Variants in GALNTL6 observed in about 807,000 individuals in gnomAD.
GALNTL6 encodes polypeptide N-acetylgalactosaminyltransferase-like 6.
A neutral mutation model predicts 73.7 loss-of-function variants in GALNTL6; 46 were observed. The ratio of observed to expected loss-of-function variants is 0.62; its 90% CI spans 0.49 to 0.80. The LOEUF is 0.80. Among genes scored for constraint, GALNTL6 ranks in the 30% least tolerant of loss-of-function variants. The pLI, the probability that GALNTL6 is intolerant of heterozygous loss-of-function variation, is 0.00. For missense variants in GALNTL6, 604 were observed against 755.0 expected (o/e 0.80, Z 2.34); for synonymous variants, 259 against 263.7 (o/e 0.98, Z 0.17).
intron 3 of GALNTL6, among the ~76,000 whole-genome samples, chr4:172,282,747 G>T (rs1739107746): frequency 6.6e-6 from 1 of 151,864 alleles, no homozygotes; most frequent in Admixed American, 6.6e-5. Flanking sequence ...TGATGGCGAT[G>T]GAACTGCAAA....
At chr4:171,954,457 C>T (rs1056014222) in intron 2 of GALNTL6, among the ~76,000 whole-genome samples, 5 of 152,120 alleles carry the variant, frequency 3.3e-5, no homozygotes, top group South Asian at 4.1e-4. Flanking sequence ...TCACAAAAGT[C>T]ATCTTCAACA....
chr4:172,300,324 A>G (rs528152128), intron 3 of GALNTL6, among the ~76,000 whole-genome samples: 10 of 152,262 alleles, frequency 6.6e-5, no homozygotes, highest in South Asian at 4.1e-4. Flanking sequence ...CTCTTTATCA[A>G]ATTTACCAGT....
intron 10 of GALNTL6, among the ~76,000 whole-genome samples, chr4:172,978,741 C>T (rs1292140553): frequency 6.6e-6 from 1 of 152,162 alleles, no homozygotes; most frequent in African/African-American, 2.4e-5. Context: ...ATATATTGAG[C>T]TCATTCTGCC....
At chr4:172,236,342 GA>G (rs1737238790) in intron 3 of GALNTL6, among the ~76,000 whole-genome samples, 1 of 152,052 alleles carries the variant, frequency 6.6e-6, no homozygotes, top group African/African-American at 2.4e-5. Context: ...GGCGGATCAC[GA>G]GGTGAGGAGA....
intron 7 of GALNTL6, among the ~76,000 whole-genome samples, chr4:172,816,950 TACA>T (rs796994453): frequency 2.0e-5 from 3 of 151,772 alleles, no homozygotes; most frequent in African/African-American, 4.8e-5. Flanking sequence ...TTACTAAAAA[TACA>T]ACAATTAGCC....
chr4:172,926,616 A>G (rs1285592442), intron 8 of GALNTL6, among the ~76,000 whole-genome samples: 2 of 152,232 alleles, frequency 1.3e-5, no homozygotes, highest in Non-Finnish European at 2.9e-5. Context: ...AAGCTAATCA[A>G]TATTGTCACT....
chr4:172,932,347 A>C (rs1436542032), intron 9 of GALNTL6, among the ~76,000 whole-genome samples: 1 of 152,230 alleles, frequency 6.6e-6, no homozygotes, highest in African/African-American at 2.4e-5. Flanking sequence ...CTGGAGATTT[A>C]AGTTGTTACT....
chr4:172,161,122 TCTG>T (rs992245828), intron 2 of GALNTL6, among the ~76,000 whole-genome samples: 2 of 151,990 alleles, frequency 1.3e-5, no homozygotes, highest in Admixed American at 6.6e-5. Flanking sequence ...GAGGGATGCT[TCTG>T]CTGTTTTTTT....
At chr4:171,953,248 G>GTT (rs1053588459) in intron 2 of GALNTL6, among the ~76,000 whole-genome samples, 2 of 149,108 alleles carry the variant, frequency 1.3e-5, no homozygotes, top group African/African-American at 4.9e-5. Flanking sequence ...GTGTGTGTGT[G>GTT]TGTGTGTGTG....
chr4:171,977,654 G>A (rs150084125), intron 2 of GALNTL6, among the ~76,000 whole-genome samples: 3 of 152,244 alleles, frequency 2.0e-5, no homozygotes, highest in African/African-American at 7.2e-5. Context: ...TGGGGATTAG[G>A]ATTTCAACAC....
At chr4:172,696,807 A>G (rs1020149667) in intron 5 of GALNTL6, among the ~76,000 whole-genome samples, 1 of 152,196 alleles carries the variant, frequency 6.6e-6, no homozygotes, top group African/African-American at 2.4e-5. Flanking sequence ...ACTAATACAC[A>G]GATTAAGAGA....
rs191945277 is a variant in GALNTL6, at chr4:172,543,453, C to A, written c.553+194764C>A. On this transcript the variant is annotated intron_variant, in intron 5 of 12. Transcript: ENST00000506823. ...GCCCATGCAAACTGGAAGATAGGGG[C>A]GCTGTCTTCCTTGATGACTGCATTT... 5.3e-5 allele frequency among the ~76,000 whole-genome samples: 8 copies of A among 152,302 alleles called. No individual in the cohort carries two copies. The East Asian group carries it at 1.5e-3, about 29-fold the overall frequency.
chr4:172,456,298 C>T (rs1006498902), intron 5 of GALNTL6, among the ~76,000 whole-genome samples: 4 of 151,812 alleles, frequency 2.6e-5, no homozygotes, highest in South Asian at 4.1e-4. Context: ...TCTTCTCCTC[C>T]GAAGGATCAC....
chr4:172,279,516 C>A (rs1738966729), intron 3 of GALNTL6, among the ~76,000 whole-genome samples: 1 of 152,072 alleles, frequency 6.6e-6, no homozygotes, highest in Non-Finnish European at 1.5e-5. Flanking sequence ...AATAAAATAT[C>A]ATCTCACACC....
At chr4:172,314,861 C>T (rs905234918) in intron 4 of GALNTL6, among the ~76,000 whole-genome samples, 6 of 152,186 alleles carry the variant, frequency 3.9e-5, no homozygotes, top group East Asian at 3.9e-4. Flanking sequence ...CCGCCTGCCT[C>T]GGCCTCCCAA....
intron 2 of GALNTL6, among the ~76,000 whole-genome samples, chr4:171,969,276 A>G (rs1001540249): frequency 1.5e-4 from 23 of 152,118 alleles, no homozygotes; most frequent in Non-Finnish European, 2.9e-4. Context: ...TCCCTCTAAT[A>G]TACTGCTAGA....
chr4:172,787,501 G>C (rs917857683), intron 5 of GALNTL6, among the ~76,000 whole-genome samples: 9 of 152,158 alleles, frequency 5.9e-5, no homozygotes, highest in African/African-American at 2.2e-4. Flanking sequence ...GAGAAAGCCT[G>C]GAATAAACCA....
intron 5 of GALNTL6, among the ~76,000 whole-genome samples, chr4:172,629,907 T>A (rs2111092105): frequency 6.6e-6 from 1 of 152,298 alleles, no homozygotes; most frequent in East Asian, 1.9e-4. Flanking sequence ...CATTAAGAGA[T>A]CATTTAAAAT....
At chr4:171,867,730 A>G (rs1288951592) in intron 2 of GALNTL6, among the ~76,000 whole-genome samples, 1 of 152,226 alleles carries the variant, frequency 6.6e-6, no homozygotes, top group African/African-American at 2.4e-5. Flanking sequence ...GCAGTCCACA[A>G]TTTTTAATAT....
Sources: allele counts gnomAD v4.1 joint callset (sites outside exome capture counted in the v4.1 genomes callset), GRCh38; gene constraint gnomAD v4.1.1; transcripts MANE v1.5; gene names NCBI Gene and HGNC (gene_info 2026-07-23, HGNC 2026-07-21).